Variants in ZNF791 observed in about 807,000 individuals in gnomAD.
ZNF791 encodes zinc finger protein 791.
In ZNF791, 4 loss-of-function variants were observed where a neutral mutation model predicts 11.5. The ratio of observed to expected loss-of-function variants is 0.35; its 90% CI spans 0.17 to 0.80. The LOEUF (loss-of-function observed/expected upper bound fraction) is 0.80. Ranked by LOEUF, ZNF791 falls within the 30% of genes least tolerant of loss-of-function variation. ZNF791 has a pLI of 0.53. For missense variants in ZNF791, 559 were observed against 699.4 expected (o/e 0.80, Z 2.26); for synonymous variants, 212 against 228.1 (o/e 0.93, Z 0.64).
chr19:12,619,512 C>T (rs1015878084), intron 1 of ZNF791, among the ~76,000 whole-genome samples: 2 of 135,732 alleles, frequency 1.5e-5, no homozygotes, highest in Admixed American at 1.7e-4. Context: ...TGCAGTGGCG[C>T]GATCTGGGCT....
intron 1 of ZNF791, among the ~76,000 whole-genome samples, chr19:12,612,922 AG>A (rs1446759431): frequency 1.3e-5 from 2 of 151,348 alleles, no homozygotes; most frequent in Non-Finnish European, 2.9e-5. Context: ...GAGGAGCCAC[AG>A]GCAGATGCTG....
chr19:12,621,861 A>G (rs1341998302), intron 1 of ZNF791, among the ~76,000 whole-genome samples: 13 of 129,844 alleles, frequency 1.0e-4, no homozygotes, highest in South Asian at 2.3e-4. Context: ...GGTGTGCCTA[A>G]CAGCTCATTG....
intron 1 of ZNF791, among the ~76,000 whole-genome samples, chr19:12,614,940 C>T (rs1343375808): frequency 2.1e-5 from 2 of 93,922 alleles, no homozygotes; most frequent in African/African-American, 3.9e-5. Flanking sequence ...TACAGCGTCT[C>T]ACTCTGTTGC....
At chr19:12,622,198 C>G (rs879281329) in intron 1 of ZNF791, among the ~76,000 whole-genome samples, 93 of 136,880 alleles carry the variant, frequency 6.8e-4, no homozygotes, top group Non-Finnish European at 1.3e-3. Flanking sequence ...CTCAAGTAAT[C>G]AGGGACACAA....
rs1280715968 is a variant in ZNF791 at position 12,629,611 on chromosome 19, G to C, written c.*351G>C. On this transcript the variant is annotated 3_prime_UTR_variant, in exon 4 of 4. Transcript: ENST00000343325. ...AAAGTACAAGACAGCGGCCGGGGAC[G>C]GTGGCTCACGCCTGTAATCCCAGCA... 1 of 158,210 alleles carries C rather than the reference G, an allele frequency of 6.3e-6. No individual in the cohort carries two copies. The highest frequency in any genetic ancestry group is 2.0e-4 in the South Asian group (1 of 5,040). 9.8% of individuals were successfully genotyped at this position (158,210 alleles called of 1,614,324 possible).
rs1440642854 is a variant in ZNF791, at chr19:12,631,070, C to T, written c.*1810C>T. On this transcript the variant is annotated 3_prime_UTR_variant, in exon 4 of 4. Coordinates refer to ENST00000343325, the MANE Select transcript of ZNF791 (RefSeq NM_153358.3). ...TGACTCACCCAGAGCAACTTCTAGT[C>T]CTGCAAGCTATGTTCATGGAGTGTC... 6.6e-6 allele frequency: 1 copy of T among 152,224 alleles called. No homozygotes were observed. The highest frequency in any genetic ancestry group is 2.4e-5 in the African/African-American group (1 of 41,452). The allele number at this position is 152,224 out of a possible 1,614,324, so 9.4% of individuals were successfully genotyped here. A position where few individuals can be genotyped will look rare whatever the true frequency, so the allele number is the denominator to read the frequency against.
rs972080183 is a variant in ZNF791, at chr19:12,633,741, T to C, written c.*4481T>C. ...CCCTTTGTGTTTCTATGAGCTTTAATTTGTATGGTTCTTGTTCTGTTAATG... is the reference window on the plus strand; with the variant it reads ...CCCTTTGTGTTTCTATGAGCTTTAACTTGTATGGTTCTTGTTCTGTTAATG... On this transcript the variant is annotated 3_prime_UTR_variant, in exon 4 of 4. Coordinates refer to ENST00000343325, the MANE Select transcript of ZNF791 (RefSeq NM_153358.3). 5 of 152,102 alleles carry C rather than the reference T, an allele frequency of 3.3e-5. No homozygotes were observed. The highest frequency in any genetic ancestry group is 1.2e-4 in the African/African-American group (5 of 41,410). 9.4% of individuals were successfully genotyped at this position (152,102 alleles called of 1,614,324 possible). A position where few individuals can be genotyped will look rare whatever the true frequency, so the allele number is the denominator to read the frequency against.
chr19:12,623,602 T>C (rs2023384029), intron 1 of ZNF791, 98 bp from the exon 2 acceptor site: 2 of 1,522,576 alleles, frequency 1.3e-6, no homozygotes, highest in Non-Finnish European at 9.0e-7. Context: ...CACTAAATGT[T>C]TGGAGACCAC....
rs1284403151 is a variant in ZNF791 at position 12,628,689 on chromosome 19, A to G, written c.1160A>G (p.Lys387Arg). Residue 387 changes from lysine (K) to arginine (R), a missense_variant, in exon 4 of 4, where the codon AAA (lysine) becomes AGA (arginine). Lys to Arg is a conservative substitution (Grantham distance 26). Coordinates refer to ENST00000343325, the MANE Select transcript of ZNF791 (RefSeq NM_153358.3). ...ACTGGAGAGAAACCCTACGAATGTA[A>G]AAAATGTGGGAAAACTTTCAATTAT... is the stretch of plus-strand genomic sequence containing the variant. The part of the protein sequence containing the change: ...THTGEKPYEC[K>R]KCGKTFNYPL... 1 of 1,601,328 alleles carries G rather than the reference A, an allele frequency of 6.2e-7. No homozygotes were observed. The highest frequency in any genetic ancestry group is 8.5e-7 in the Non-Finnish European group (1 of 1,175,148).
intron 1 of ZNF791, among the ~76,000 whole-genome samples, chr19:12,617,598 G>A (rs2023264094): frequency 6.6e-6 from 1 of 152,122 alleles, no homozygotes; most frequent in South Asian, 2.1e-4. Context: ...TTGTTAAGGT[G>A]TGTTTTTGTC....
At chr19:12,622,653 G>A (rs2023371900) in intron 1 of ZNF791, among the ~76,000 whole-genome samples, 1 of 151,694 alleles carries the variant, frequency 6.6e-6, no homozygotes, top group Non-Finnish European at 1.5e-5. Flanking sequence ...CCAGCACTTT[G>A]GGTGGCCGAG....
In ZNF791 at chr19:12,633,261, T is replaced by TA. The variant is rs2023521719; in HGVS notation, c.*4002dup. ...ATAATTCTGTCTGGGATTTGAATAG[T>TA]AGAGTTTGAATTCAGGAAGGACACC... On this transcript the variant is annotated 3_prime_UTR_variant, in exon 4 of 4. Coordinates refer to ENST00000343325, the MANE Select transcript of ZNF791 (RefSeq NM_153358.3). 1 of 152,100 alleles carries TA rather than the reference T, an allele frequency of 6.6e-6. No homozygotes were observed. 9.4% of individuals were successfully genotyped at this position (152,100 alleles called of 1,614,324 possible). A position where few individuals can be genotyped will look rare whatever the true frequency, so the allele number is the denominator to read the frequency against.
rs1186308768 is a variant in ZNF791, at chr19:12,629,180, CCT to C, written c.1654_1655del (p.Leu552Ter). 1 of 1,586,948 alleles carries C rather than the reference CCT, an allele frequency of 6.3e-7. No homozygotes were observed. Among genetic ancestry groups the C allele is most frequent in the Non-Finnish European group, 8.6e-7 (1 of 1,169,052 alleles). On this transcript the variant is annotated frameshift_variant, in exon 4 of 4. Transcript: ENST00000343325. LOFTEE classifies it low-confidence loss of function (END_TRUNC). ...RHTRIHNYEK[P>X]LECKQCGKAF... Reference sequence around the variant, plus strand: ...TACAAGAATTCACAATTATGAGAAACCTCTTGAATGTAAGCAATGTGGAAAAG... The same window carrying C: ...TACAAGAATTCACAATTATGAGAAACCTTGAATGTAAGCAATGTGGAAAAG...
Position 12,621,546 on chromosome 19 carries a change from T to G in ZNF791, c.4-2154T>G, listed in dbSNP as rs1019974558. Among the ~76,000 whole-genome samples the G allele has an allele frequency of 9.8e-4, 149 of 151,842 alleles. 1 individual carries two copies. Among genetic ancestry groups the G allele is most frequent in the Non-Finnish European group, 8.5e-4 (58 of 67,954 alleles). ...ATACGTCTCTAAAAGAGTATTTCCATTCAGTCAGCAGAATCTGAGTGCTTC... is the reference window on the plus strand; with the variant it reads ...ATACGTCTCTAAAAGAGTATTTCCAGTCAGTCAGCAGAATCTGAGTGCTTC... On this transcript the variant is annotated intron_variant, in intron 1 of 3. Transcript: ENST00000343325.
chr19:12,623,655 T>A, intron 1 of ZNF791, 45 bp from the exon 2 acceptor site: 3 of 1,611,438 alleles, frequency 1.9e-6, no homozygotes, highest in Non-Finnish European at 2.5e-6. Context: ...ATACCTCTCA[T>A]CCTTGTCAAT....
At position 12,629,444 on chromosome 19, in the gene ZNF791, A is replaced by G; in HGVS notation, c.*184A>G. On this transcript the variant is annotated 3_prime_UTR_variant, in exon 4 of 4. Coordinates refer to ENST00000343325, the MANE Select transcript of ZNF791 (RefSeq NM_153358.3). ...TGTTTCAGTCAGCAATGGACCATAT[A>G]GGTTGGTAGCCCCATAAGATTATAT... is the stretch of plus-strand genomic sequence containing the variant. 4.3e-6 allele frequency: 2 copies of G among 469,810 alleles called. No individual in the cohort carries two copies. Among genetic ancestry groups the G allele is most frequent in the Non-Finnish European group, 7.2e-6 (2 of 276,028 alleles). 29.1% of individuals were successfully genotyped at this position (469,810 alleles called of 1,614,324 possible).
intron 1 of ZNF791, among the ~76,000 whole-genome samples, chr19:12,614,644 G>C (rs2023211952): frequency 1.3e-5 from 2 of 150,686 alleles, no homozygotes; most frequent in Non-Finnish European, 3.0e-5. Flanking sequence ...GCCCAGGCTG[G>C]AGTGCAATGG....
chr19:12,619,420 T>C (rs900756575), intron 1 of ZNF791, among the ~76,000 whole-genome samples: 1 of 151,758 alleles, frequency 6.6e-6, no homozygotes, highest in Non-Finnish European at 1.5e-5. Context: ...GATTGTTCTC[T>C]GTAGTCATCA....
In ZNF791 at chr19:12,628,704, C is replaced by T; in HGVS notation, c.1175C>T (p.Thr392Ile). 1 of 1,601,450 alleles carries T rather than the reference C, an allele frequency of 6.2e-7. No homozygotes were observed. Among genetic ancestry groups the T allele is most frequent in the Non-Finnish European group, 8.5e-7 (1 of 1,174,666 alleles). Reference protein sequence around the residue: ...KPYECKKCGKTFNYPLDLKIH... With the variant: ...KPYECKKCGKIFNYPLDLKIH... ...TACGAATGTAAAAAATGTGGGAAAA[C>T]TTTCAATTATCCTCTAGATTTGAAA... The change falls in exon 4 of 4, where the codon ACT becomes ATT. Residue 392 changes from threonine to isoleucine, a missense_variant. Thr to Ile is a moderately conservative substitution (Grantham distance 89, BLOSUM62 -1). Coordinates refer to ENST00000343325, the MANE Select transcript of ZNF791 (RefSeq NM_153358.3).
Sources: gnomAD v4.1 joint callset for allele counts (sites outside exome capture counted in the v4.1 genomes callset) on GRCh38, gnomAD v4.1.1 for gene constraint, MANE v1.5 for transcripts, NCBI Gene and HGNC (gene_info 2026-07-23, HGNC 2026-07-21) for gene names.